Variants in HECTD4 observed in about 807,000 individuals in gnomAD.
HECTD4 encodes probable E3 ubiquitin-protein ligase HECTD4.
Under a neutral mutation model 471.5 loss-of-function variants are expected in HECTD4, and 114 were observed. The ratio of observed to expected loss-of-function variants is 0.24; its 90% CI spans 0.21 to 0.28. The LOEUF (loss-of-function observed/expected upper bound fraction) is 0.28. Among genes scored for constraint, HECTD4 ranks in the 10% least tolerant of loss-of-function variants. The pLI, the probability that HECTD4 is intolerant of heterozygous loss-of-function variation, is 1.00. For synonymous variants in HECTD4, 2,012 were observed against 2,256.0 expected, an observed-to-expected ratio of 0.89 and a Z score of 3.07; for missense variants, 3,866 against 5,651.5, an observed-to-expected ratio of 0.68 and a Z score of 10.13.
At chr12:112,211,764 T>C (rs2032768105) in intron 49 of HECTD4, among the ~76,000 whole-genome samples, 1 of 152,210 alleles carries the variant, frequency 6.6e-6, no homozygotes, top group Non-Finnish European at 1.5e-5. Context: ...TCAAGGTTTT[T>C]GGCCTTAGCA....
chr12:112,303,773 C>G (rs540763728), intron 7 of HECTD4, among the ~76,000 whole-genome samples: 1 of 151,144 alleles, frequency 6.6e-6, no homozygotes, highest in East Asian at 1.9e-4. Context: ...TCACCTGAGC[C>G]CAGGAGGTTG....
Position 112,351,340 on chromosome 12 carries a change from C to T in HECTD4, c.177+30612G>A, listed in dbSNP as rs549631909. Among the ~76,000 whole-genome samples the T allele has an allele frequency of 1.5e-3, 224 of 152,282 alleles. 1 individual carries two copies. The highest frequency in any genetic ancestry group is 2.7e-3 in the Non-Finnish European group (181 of 68,018). On this transcript the variant is annotated intron_variant, in intron 1 of 75. Transcript: ENST00000682272. ...GGTGGTTTGGCACTATCATCTCTAA[C>T]CAAATGTGCAGGGCAGGGCAGGTTT...
chr12:112,233,204 C>G (rs2033423848), intron 37 of HECTD4, 119 bp from the exon 38 acceptor site: 1 of 452,528 alleles, frequency 2.2e-6, no homozygotes, highest in Admixed American at 3.4e-5. Flanking sequence ...TTAGCTTACA[C>G]TAACATTAGC....
At chr12:112,281,514 G>A (rs1223068242) in intron 8 of HECTD4, among the ~76,000 whole-genome samples, 1 of 152,044 alleles carries the variant, frequency 6.6e-6, no homozygotes, top group Non-Finnish European at 1.5e-5. Flanking sequence ...CCTTCAGCTT[G>A]TCATGAAAAT....
At chr12:112,183,009 A>G (rs1199126211) in intron 62 of HECTD4, 50 bp downstream of exon 62, 3 of 1,380,016 alleles carry the variant, frequency 2.2e-6, no homozygotes, top group Non-Finnish European at 3.1e-6. Context: ...CTGTGAGCCT[A>G]AAATTGCTCC....
chr12:112,235,014 G>T lies in HECTD4; in HGVS notation c.5915+63C>A. 1 of 1,449,632 alleles carries T rather than the reference G, an allele frequency of 6.9e-7. No individual in the cohort carries two copies. Among genetic ancestry groups the T allele is most frequent in the Non-Finnish European group, 9.4e-7 (1 of 1,066,148 alleles). 89.8% of individuals were successfully genotyped at this position (1,449,632 alleles called of 1,614,324 possible). Reference sequence around the variant, plus strand: ...TCGATACATGTACAGGGCTTACTTAGCACAGTGCCTGTGACATGGGTGGTG... The same window carrying T: ...TCGATACATGTACAGGGCTTACTTATCACAGTGCCTGTGACATGGGTGGTG... On this transcript the variant is annotated intron_variant, in intron 37 of 75. Transcript: ENST00000682272. This position sits in a 1 kb window ranked among gnomAD's most constrained non-coding sequence, Gnocchi z 5.0.
At chr12:112,227,510 T>G (rs975844923) in intron 43 of HECTD4, among the ~76,000 whole-genome samples, 1 of 152,210 alleles carries the variant, frequency 6.6e-6, no homozygotes, top group Non-Finnish European at 1.5e-5. Flanking sequence ...TACTGCTGTT[T>G]AACGCTAAAT....
In HECTD4 at chr12:112,283,284, C is replaced by T; in HGVS notation, c.1354G>A (p.Val452Ile). 6.2e-7 allele frequency: 1 copy of T among 1,611,514 alleles called. No homozygotes were observed. Residue 452 changes from valine to isoleucine, a missense_variant, in exon 8 of 76, where the codon GTA becomes ATA. Transcript: ENST00000682272. ...GTACGTTCCTGAAGTGGGTTGGCTACAAATACACCATTTTCAACCTAACAT... is the reference window on the plus strand; with the variant it reads ...GTACGTTCCTGAAGTGGGTTGGCTATAAATACACCATTTTCAACCTAACAT... ...FELVVENGVF[V>I]ANPLQERTIL...
chr12:112,217,853 G>A (rs1355176629), intron 45 of HECTD4, among the ~76,000 whole-genome samples: 2 of 152,140 alleles, frequency 1.3e-5, no homozygotes, highest in East Asian at 1.9e-4. Context: ...CTAAGCAGGG[G>A]AACCATGGTG....
At chr12:112,246,798 C>T in intron 29 of HECTD4, 103 bp downstream of exon 29, 10 of 1,031,786 alleles carry the variant, frequency 9.7e-6, no homozygotes, top group South Asian at 7.4e-5. Flanking sequence ...CTCAGAGTAC[C>T]CAAGAGTGAA....
chr12:112,200,894 T>C (rs1006902643), intron 54 of HECTD4, 96 bp from the exon 55 acceptor site: 89 of 960,280 alleles, frequency 9.3e-5, no homozygotes, highest in African/African-American at 7.4e-4. Flanking sequence ...CGTGTGTGTG[T>C]GTGTGTGTGT....
Position 112,243,808 on chromosome 12 carries a change from G to A in HECTD4, c.4650-47C>T, listed in dbSNP as rs754419594. Reference sequence around the variant, plus strand: ...CTGGCAAGACGAGAAACACACTCAGGGAGCTTGTTTTGATGAATGCATTCA... The same window carrying A: ...CTGGCAAGACGAGAAACACACTCAGAGAGCTTGTTTTGATGAATGCATTCA... On this transcript the variant is annotated intron_variant, in intron 30 of 75. Coordinates refer to ENST00000682272, the MANE Select transcript of HECTD4 (RefSeq NM_001388303.1). This position sits in a 1 kb window ranked among gnomAD's most constrained non-coding sequence, Gnocchi z 6.6. 7 of 1,609,922 alleles carry A rather than the reference G, an allele frequency of 4.3e-6. No individual in the cohort carries two copies. The highest frequency in any genetic ancestry group is 4.2e-6 in the Non-Finnish European group (5 of 1,176,706).
At position 112,291,600 on chromosome 12, in the gene HECTD4, C is replaced by T. The variant is rs186079388; in HGVS notation, c.1336-8298G>A. On this transcript the variant is annotated intron_variant, in intron 7 of 75. Transcript: ENST00000682272. ...AAAAAAAAGAAAAAAGAGCCAGGCG[C>T]AGTGGCTCACATTTGTAATCCCAGC... Among the ~76,000 whole-genome samples the T allele has an allele frequency of 3.9e-3, 597 of 152,130 alleles. 4 individuals carry two copies. The highest frequency in any genetic ancestry group is 0.017 in the Middle Eastern group (5 of 294).
intron 67 of HECTD4, 135 bp downstream of exon 67, chr12:112,172,536 A>G (rs2031267836): frequency 2.4e-6 from 2 of 841,654 alleles, no homozygotes; most frequent in African/African-American, 3.4e-5. Context: ...TTCCTTGCAC[A>G]CCTGGCGCAT....
At chr12:112,294,886 G>A (rs2135664551) in intron 7 of HECTD4, among the ~76,000 whole-genome samples, 1 of 152,298 alleles carries the variant, frequency 6.6e-6, no homozygotes, top group South Asian at 2.1e-4. Flanking sequence ...TGGAAAGTAA[G>A]TCTTGCCCCA....
intron 34 of HECTD4, among the ~76,000 whole-genome samples, chr12:112,237,779 A>G (rs1057136899): frequency 1.2e-4 from 17 of 139,386 alleles, no homozygotes; most frequent in East Asian, 4.2e-4. Context: ...TTTGAGATGG[A>G]GTTTTGCTCT....
intron 2 of HECTD4, among the ~76,000 whole-genome samples, chr12:112,317,806 C>T (rs911736832): frequency 2.0e-5 from 3 of 151,966 alleles, no homozygotes; most frequent in African/African-American, 7.2e-5. Flanking sequence ...AGGGGAAACC[C>T]CGTCTCTACC....
chr12:112,185,315 C>T lies in HECTD4; in HGVS notation c.9651G>A (p.Ser3217=), dbSNP rs1462380347. Residue 3217 remains serine, a synonymous_variant, in exon 61 of 76, where the codon TCG becomes TCA. Transcript: ENST00000682272. ...CCTCGTCGTACAGCTTGTGGAGCTC[C>T]GACTGCAAGGCCATCAGCATGGCCA... is the stretch of plus-strand genomic sequence containing the variant. ...PCLAMLMALQ[S]ELHKLYDEET... The T allele has an allele frequency of 1.3e-6, 2 of 1,574,130 alleles. No homozygotes were observed. Among genetic ancestry groups the T allele is most frequent in the Admixed American group, 1.9e-5 (1 of 53,640 alleles).
At position 112,200,872 on chromosome 12, in the gene HECTD4, T is replaced by TGTGC. The variant is rs1168161154; in HGVS notation, c.8407-78_8407-75dup. The TGTGC allele has an allele frequency of 1.8e-3, 2,226 of 1,263,866 alleles. 16 individuals are homozygous for TGTGC. In the East Asian group the frequency reaches 0.031, roughly 18 times the overall value. 78.3% of individuals were successfully genotyped at this position (1,263,866 alleles called of 1,614,324 possible). On this transcript the variant is annotated intron_variant, in intron 54 of 75. Transcript: ENST00000682272. ...CCATGTGTGCGTGCGTGCGTGTGTG[T>TGTGC]GTGCGTGCGTGCGTGTGTGTGTGTG...
Sources: gnomAD v4.1 joint callset for allele counts (sites outside exome capture counted in the v4.1 genomes callset) on GRCh38, gnomAD v4.1.1 for gene constraint, Gnocchi (gnomAD v3.1) non-coding constraint, MANE v1.5 for transcripts, NCBI Gene and HGNC (gene_info 2026-07-23, HGNC 2026-07-21) for gene names.